The following GNA12 variants were observed in gnomAD, a reference collection of about 807,000 sequenced individuals.
The protein encoded by GNA12 is guanine nucleotide-binding protein subunit alpha-12.
Under a neutral mutation model 26.0 loss-of-function variants are expected in GNA12, and 9 were observed. The ratio of observed to expected loss-of-function variants is 0.35; its 90% CI spans 0.21 to 0.60. The LOEUF is 0.60. Ranked by LOEUF, GNA12 falls within the 20% of genes least tolerant of loss-of-function variation. GNA12 has a pLI of 0.78. For synonymous variants in GNA12, 264 were observed against 219.6 expected (o/e 1.20, Z -1.79); for missense variants, 405 against 525.8 (o/e 0.77, Z 2.25).
At chr7:2,825,188 G>T (rs575970953) in intron 1 of GNA12, among the ~76,000 whole-genome samples, 1 of 152,312 alleles carries the variant, frequency 6.6e-6, no homozygotes, top group South Asian at 2.1e-4. Context: ...AAAGGTGTGG[G>T]GGAAGCCCGA....
At position 2,730,097 on chromosome 7, in the gene GNA12, C is replaced by T. The variant is rs769628759; in HGVS notation, c.*1084G>A. The T allele has an allele frequency of 6.6e-6, 1 of 152,372 alleles. No homozygotes were observed. The highest frequency in any genetic ancestry group is 1.5e-5 in the Non-Finnish European group (1 of 68,076). 9.4% of individuals were successfully genotyped at this position (152,372 alleles called of 1,614,324 possible). On this transcript the variant is annotated 3_prime_UTR_variant, in exon 4 of 4. Coordinates refer to ENST00000275364, the MANE Select transcript of GNA12 (RefSeq NM_007353.3). Reference sequence around the variant, plus strand: ...CGGCAGTTTGGAGAAACTCAAGATTCCTCCAGCGTCTGTGGGCTTCCCGAA... The same window carrying T: ...CGGCAGTTTGGAGAAACTCAAGATTTCTCCAGCGTCTGTGGGCTTCCCGAA...
At chr7:2,821,565 G>A (rs1793371075) in intron 1 of GNA12, among the ~76,000 whole-genome samples, 1 of 152,144 alleles carries the variant, frequency 6.6e-6, no homozygotes, top group Admixed American at 6.5e-5. Flanking sequence ...AACTCACTGG[G>A]TGGCCCCAAG....
intron 1 of GNA12, among the ~76,000 whole-genome samples, chr7:2,815,924 T>C (rs1169827258): frequency 2.6e-5 from 4 of 152,240 alleles, no homozygotes; most frequent in African/African-American, 9.6e-5. Context: ...TTTGAGTTCA[T>C]TTAATAGCCT....
rs190376119 is a variant in GNA12, at chr7:2,737,584, C to T, written c.526-4083G>A. Among the ~76,000 whole-genome samples the T allele has an allele frequency of 2.4e-3, 365 of 152,194 alleles. 2 individuals carry two copies. Among genetic ancestry groups the T allele is most frequent in the African/African-American group, 8.1e-3 (335 of 41,528 alleles). On this transcript the variant is annotated intron_variant, in intron 2 of 3. Coordinates refer to ENST00000275364, the MANE Select transcript of GNA12 (RefSeq NM_007353.3). ...GATTACAGGCGTGAGCCACAGCGCC[C>T]GGCCCTGTCTTACAGTTTCTGCACT...
At chr7:2,757,096 T>C (rs1463495988) in intron 2 of GNA12, among the ~76,000 whole-genome samples, 1 of 144,776 alleles carries the variant, frequency 6.9e-6, no homozygotes, top group African/African-American at 2.5e-5. Flanking sequence ...AAAAAGGAGG[T>C]GACCTTGGCA....
Position 2,784,695 on chromosome 7 carries a change from C to G in GNA12, c.525+10233G>C, listed in dbSNP as rs77950773. On this transcript the variant is annotated intron_variant, in intron 2 of 3. Transcript: ENST00000275364. ...GGCATGGATGATGACCCTCTTCCTT[C>G]TTTCCTTCGCTTTCTCCTGGGGATG... 6.6e-4 allele frequency among the ~76,000 whole-genome samples: 100 copies of G among 152,296 alleles called. 1 individual carries two copies. The East Asian group carries it at 0.014, about 21-fold the overall frequency.
At chr7:2,793,175 A>G (rs1029226838) in intron 2 of GNA12, among the ~76,000 whole-genome samples, 1 of 152,220 alleles carries the variant, frequency 6.6e-6, no homozygotes, top group African/African-American at 2.4e-5. Flanking sequence ...TGTCAAGGTC[A>G]TGAAAGGCAA....
intron 2 of GNA12, among the ~76,000 whole-genome samples, chr7:2,770,778 C>T (rs972747276): frequency 5.9e-5 from 9 of 152,180 alleles, no homozygotes; most frequent in Non-Finnish European, 7.3e-5. Flanking sequence ...TGTGTTTCCA[C>T]GTAGGACGAT....
At chr7:2,819,591 C>T (rs1583307394) in intron 1 of GNA12, among the ~76,000 whole-genome samples, 1 of 152,028 alleles carries the variant, frequency 6.6e-6, no homozygotes, top group African/African-American at 2.4e-5. Context: ...GACAAATAAT[C>T]CAAATTAAAA....
At chr7:2,814,927 T>A in intron 1 of GNA12, 2 of 1,591,088 alleles carry the variant, frequency 1.3e-6, no homozygotes, top group South Asian at 2.3e-5. Context: ...ATTCTCCGTT[T>A]CATTTCAAAT....
At position 2,814,951 on chromosome 7, in the gene GNA12, T is replaced by A. The variant is rs540832517; in HGVS notation, c.310-19808A>T. The stretch of plus-strand genomic sequence containing the variant: ...TTCATTTCAAATGCCTACAATACAG[T>A]AGGCGCTCTGCACTCGGCATGGCTG... On this transcript the variant is annotated intron_variant, in intron 1 of 3. Coordinates refer to ENST00000275364, the MANE Select transcript of GNA12 (RefSeq NM_007353.3). 2.6e-5 allele frequency: 41 copies of A among 1,575,116 alleles called. No individual in the cohort carries two copies. The East Asian group carries it at 8.7e-4, about 34-fold the overall frequency.
intron 1 of GNA12, among the ~76,000 whole-genome samples, chr7:2,802,397 GGGGT>G (rs1792833067): frequency 1.1e-5 from 1 of 93,602 alleles, no homozygotes; most frequent in South Asian, 4.7e-4. Flanking sequence ...TTTTTTTGGG[GGGGT>G]GGGGGGTGGG....
chr7:2,735,833 C>G (rs1285316679), intron 2 of GNA12, among the ~76,000 whole-genome samples: 1 of 152,166 alleles, frequency 6.6e-6, no homozygotes, highest in Non-Finnish European at 1.5e-5. Flanking sequence ...CGTGGGAAAG[C>G]TGCCACTGAA....
chr7:2,790,524 C>G (rs534261780), intron 2 of GNA12, among the ~76,000 whole-genome samples: 1 of 152,226 alleles, frequency 6.6e-6, no homozygotes, highest in Non-Finnish European at 1.5e-5. Context: ...GCCTGGCACA[C>G]AGAAAGGACT....
At chr7:2,757,403 TGAG>T (rs1791356645) in intron 2 of GNA12, among the ~76,000 whole-genome samples, 1 of 152,038 alleles carries the variant, frequency 6.6e-6, no homozygotes. Context: ...AGCCGTGTTA[TGAG>T]GAGGAGCCAC....
At chr7:2,798,330 G>C (rs1327590563) in intron 1 of GNA12, among the ~76,000 whole-genome samples, 3 of 152,150 alleles carry the variant, frequency 2.0e-5, no homozygotes, top group South Asian at 2.1e-4. Flanking sequence ...AATGAATCCA[G>C]AATAGTTGCA....
At chr7:2,820,401 C>CTTTTTTTTTTTTTTTT (rs35674433) in intron 1 of GNA12, among the ~76,000 whole-genome samples, 5 of 126,370 alleles carry the variant, frequency 4.0e-5, no homozygotes, top group African/African-American at 9.1e-5. Flanking sequence ...CTCAATAAAG[C>CTTTTTTTTTTTTTTTT]TTTTTTTTTT....
intron 2 of GNA12, among the ~76,000 whole-genome samples, chr7:2,740,482 C>T (rs1790445003): frequency 6.6e-6 from 1 of 152,178 alleles, no homozygotes; most frequent in Non-Finnish European, 1.5e-5. Context: ...GATGGTGCTG[C>T]CACCCAGATC....
chr7:2,828,471 G>T (rs114074971), intron 1 of GNA12, among the ~76,000 whole-genome samples: 2 of 152,038 alleles, frequency 1.3e-5, no homozygotes, highest in Admixed American at 6.6e-5. Flanking sequence ...CTCCTGCCTC[G>T]GCCTCCCAAA....
Sources: allele counts gnomAD v4.1 joint callset (sites outside exome capture counted in the v4.1 genomes callset), GRCh38; gene constraint gnomAD v4.1.1; transcripts MANE v1.5; gene names NCBI Gene and HGNC (gene_info 2026-07-23, HGNC 2026-07-21).